GRK5: variants seen among roughly 807,000 people sequenced by gnomAD.
GRK5 encodes the protein G protein-coupled receptor kinase 5, also known as g protein-coupled receptor kinase GRK5.
GRK5 carries 40 observed loss-of-function variants against 78.4 expected under a neutral mutation model. The ratio of observed to expected loss-of-function variants is 0.51; its 90% CI spans 0.40 to 0.66. The LOEUF is 0.66. Among genes scored for constraint, GRK5 ranks in the 30% least tolerant of loss-of-function variants. The pLI is 0.00. For synonymous variants in GRK5, 289 were observed against 296.8 expected, an observed-to-expected ratio of 0.97 and a Z score of 0.27; for missense variants, 598 against 759.9, an observed-to-expected ratio of 0.79 and a Z score of 2.50.
chr10:119,316,648 C>A lies in GRK5; in HGVS notation c.53-9868C>A, dbSNP rs954111122. Among the ~76,000 whole-genome samples, 10 of 152,310 alleles carry A rather than the reference C, an allele frequency of 6.6e-5. No individual in the cohort carries two copies. The East Asian group carries it at 1.7e-3, about 26-fold the overall frequency. ...ACAGTTCTATTGTTGCAAAAAGATACCCAAACCCTTGACAGGGAGAGGTGC... is the reference window on the plus strand; with the variant it reads ...ACAGTTCTATTGTTGCAAAAAGATAACCAAACCCTTGACAGGGAGAGGTGC... On this transcript the variant is annotated intron_variant, in intron 1 of 15. Coordinates refer to ENST00000392870, the MANE Select transcript of GRK5 (RefSeq NM_005308.3).
At chr10:119,327,318 C>T (rs1043465214) in intron 2 of GRK5, among the ~76,000 whole-genome samples, 2 of 152,186 alleles carry the variant, frequency 1.3e-5, no homozygotes, top group Non-Finnish European at 2.9e-5. Flanking sequence ...GCGAGAGCGC[C>T]CAGGGGACAG....
intron 1 of GRK5, among the ~76,000 whole-genome samples, chr10:119,259,219 C>T (rs548236558): frequency 1.1e-4 from 17 of 152,222 alleles, no homozygotes; most frequent in Non-Finnish European, 1.6e-4. Flanking sequence ...CGCCCACCAC[C>T]GCGCCTGGCT....
chr10:119,395,544 T>C (rs1852034037), intron 3 of GRK5, among the ~76,000 whole-genome samples: 1 of 152,156 alleles, frequency 6.6e-6, no homozygotes, highest in African/African-American at 2.4e-5. Context: ...GACAAATCCT[T>C]GGGTGGTGGA....
At chr10:119,392,549 C>T (rs1287028502) in intron 3 of GRK5, among the ~76,000 whole-genome samples, 1 of 152,148 alleles carries the variant, frequency 6.6e-6, no homozygotes, top group Non-Finnish European at 1.5e-5. Context: ...ATTACAGGCA[C>T]CTGCCACCAT....
At chr10:119,314,159 C>T (rs1850443673) in intron 1 of GRK5, among the ~76,000 whole-genome samples, 1 of 152,230 alleles carries the variant, frequency 6.6e-6, no homozygotes, top group East Asian at 1.9e-4. Context: ...GCATCTACCC[C>T]GTGGCTTTTG....
intron 1 of GRK5, among the ~76,000 whole-genome samples, chr10:119,307,483 C>T (rs1850290428): frequency 6.6e-6 from 1 of 152,038 alleles, no homozygotes; most frequent in Non-Finnish European, 1.5e-5. Context: ...CAGAGTGATG[C>T]AGCTTGAGAA....
intron 1 of GRK5, among the ~76,000 whole-genome samples, chr10:119,229,496 G>C (rs1253770794): frequency 6.6e-6 from 1 of 152,088 alleles, no homozygotes; most frequent in African/African-American, 2.4e-5. Context: ...AGCAGGGAGG[G>C]GTGCTTTAGC....
At chr10:119,377,403 T>C (rs866345685) in intron 2 of GRK5, among the ~76,000 whole-genome samples, 4 of 152,340 alleles carry the variant, frequency 2.6e-5, no homozygotes, top group Non-Finnish European at 4.4e-5. Flanking sequence ...GGCCTCCTTA[T>C]CCATTTCTAT....
intron 4 of GRK5, among the ~76,000 whole-genome samples, chr10:119,407,964 G>C (rs1246498998): frequency 2.6e-5 from 4 of 152,082 alleles, no homozygotes; most frequent in Non-Finnish European, 5.9e-5. Context: ...GGGAGTTCAA[G>C]ACCAGCCTGA....
chr10:119,395,428 T>C (rs1852031530), intron 3 of GRK5, among the ~76,000 whole-genome samples: 2 of 152,168 alleles, frequency 1.3e-5, no homozygotes, highest in South Asian at 4.1e-4. Context: ...GAGGGCCGGC[T>C]GGGCATCTGA....
chr10:119,343,436 C>T (rs1156955035), intron 2 of GRK5, among the ~76,000 whole-genome samples: 2 of 152,192 alleles, frequency 1.3e-5, no homozygotes, highest in Non-Finnish European at 2.9e-5. Context: ...CCTTCCCCAC[C>T]CCTATTTTAG....
At chr10:119,214,141 A>C (rs1182594308) in intron 1 of GRK5, among the ~76,000 whole-genome samples, 4 of 151,960 alleles carry the variant, frequency 2.6e-5, no homozygotes, top group African/African-American at 9.7e-5. Flanking sequence ...AGCCTGGCTA[A>C]TTTTTGTATT....
At chr10:119,311,336 A>G (rs954264080) in intron 1 of GRK5, among the ~76,000 whole-genome samples, 1 of 152,196 alleles carries the variant, frequency 6.6e-6, no homozygotes, top group African/African-American at 2.4e-5. Context: ...GATGAGACAG[A>G]GCCTGGCAGG....
chr10:119,351,659 TG>T (rs1396805791), intron 2 of GRK5, among the ~76,000 whole-genome samples: 4 of 152,126 alleles, frequency 2.6e-5, no homozygotes, highest in Non-Finnish European at 5.9e-5. Flanking sequence ...CTATTATAGG[TG>T]GTAGGTAAAA....
Position 119,396,787 on chromosome 10 carries a change from A to G in GRK5, c.339+15A>G. 6.2e-7 allele frequency: 1 copy of G among 1,603,366 alleles called. No individual in the cohort carries two copies. The highest frequency in any genetic ancestry group is 8.5e-7 in the Non-Finnish European group (1 of 1,170,212). ...TCACCCCAAAGGTAAGGAGTCTTCC[A>G]AACCCCACAGCAGGTGGCACAGGAG... On this transcript the variant is annotated intron_variant, in intron 4 of 15. Coordinates refer to ENST00000392870, the MANE Select transcript of GRK5 (RefSeq NM_005308.3).
intron 1 of GRK5, among the ~76,000 whole-genome samples, chr10:119,237,156 A>G (rs1848949130): frequency 7.0e-6 from 1 of 142,394 alleles, no homozygotes; most frequent in South Asian, 2.3e-4. Flanking sequence ...TCCGACTCCC[A>G]GGTTCAAGTG....
intron 1 of GRK5, among the ~76,000 whole-genome samples, chr10:119,286,987 G>C (rs1043153610): frequency 3.9e-5 from 6 of 152,028 alleles, no homozygotes; most frequent in Non-Finnish European, 8.8e-5. Flanking sequence ...TGTGTCCCCT[G>C]TGTCTAGAAC....
intron 1 of GRK5, among the ~76,000 whole-genome samples, chr10:119,258,549 T>C (rs1008895573): frequency 6.6e-6 from 1 of 152,228 alleles, no homozygotes; most frequent in African/African-American, 2.4e-5. Flanking sequence ...TCAACAGTGA[T>C]GCATGAGCAT....
chr10:119,394,252 G>GTGTGGGTGT (rs1851960525), intron 3 of GRK5, among the ~76,000 whole-genome samples: 1 of 132,260 alleles, frequency 7.6e-6, no homozygotes, highest in Non-Finnish European at 1.7e-5. Context: ...GTCTGTGTGT[G>GTGTGGGTGT]GATGTATCTG....
Sources: allele counts gnomAD v4.1 joint callset (sites outside exome capture counted in the v4.1 genomes callset), GRCh38; gene constraint gnomAD v4.1.1; transcripts MANE v1.5; gene names NCBI Gene and HGNC (gene_info 2026-07-23, HGNC 2026-07-21).